The following TBC1D2B variants were observed in gnomAD, a reference collection of about 807,000 sequenced individuals.
TBC1D2B encodes the protein TBC1 domain family, member 2B.
In TBC1D2B, 64 loss-of-function variants were observed where a neutral mutation model predicts 100.8. That is an observed-to-expected ratio of 0.64 (90% CI 0.52 to 0.78). The LOEUF is 0.78. TBC1D2B is among the 30% of genes least tolerant of loss of function. The pLI, the probability that TBC1D2B is intolerant of heterozygous loss-of-function variation, is 0.00. For missense variants in TBC1D2B, 1,052 were observed against 1,218.4 expected (o/e 0.86, Z 2.03); for synonymous variants, 480 against 479.7 (o/e 1.00, Z -0.01).
At position 78,003,459 on chromosome 15, in the gene TBC1D2B, C is replaced by G; in HGVS notation, c.2420G>C (p.Ser807Thr). The change falls in exon 11 of 13, where the codon AGT (serine) becomes ACT (threonine). Residue 807 changes from serine to threonine, a missense_variant. By Grantham distance (58) the Ser-to-Thr change is moderately conservative. This residue lies in a region of TBC1D2B where 373 missense variants were observed against 464.9 expected (regional missense o/e 0.80). Coordinates refer to ENST00000300584, the MANE Select transcript of TBC1D2B (RefSeq NM_144572.2). ...GCCATGCAACCGAGGCAGCTTCTCACTCATAAGGTCTCTGAACACCCGCTG... is the reference window on the plus strand; with the variant it reads ...GCCATGCAACCGAGGCAGCTTCTCAGTCATAAGGTCTCTGAACACCCGCTG... ...VDQRVFRDLM[S>T]EKLPRLHGHF... The G allele has an allele frequency of 6.2e-7, 1 of 1,612,672 alleles. No homozygotes were observed. The highest frequency in any genetic ancestry group is 8.5e-7 in the Non-Finnish European group (1 of 1,178,804).
intron 1 of TBC1D2B, among the ~76,000 whole-genome samples, chr15:78,061,812 A>G (rs1259257656): frequency 6.6e-6 from 1 of 152,104 alleles, no homozygotes; most frequent in African/African-American, 2.4e-5. Flanking sequence ...TATAATTAAA[A>G]TTAAGTTCCT....
chr15:78,042,943 G>T lies in TBC1D2B; in HGVS notation c.683+1957C>A, dbSNP rs1434308249. 2.6e-5 allele frequency among the ~76,000 whole-genome samples: 4 copies of T among 152,158 alleles called. No homozygotes were observed. In the East Asian group the frequency reaches 7.7e-4, roughly 29 times the overall value. On this transcript the variant is annotated intron_variant, in intron 3 of 12. Coordinates refer to ENST00000300584, the MANE Select transcript of TBC1D2B (RefSeq NM_144572.2). ...AAGCCGATGAATGGGAGCAGAGCAG[G>T]ACCAAGAAGGTGGGACTGCAGCCAC... is the stretch of plus-strand genomic sequence containing the variant.
intron 1 of TBC1D2B, among the ~76,000 whole-genome samples, chr15:78,073,848 T>C (rs1409776143): frequency 6.6e-6 from 1 of 151,562 alleles, no homozygotes; most frequent in Non-Finnish European, 1.5e-5. Context: ...CACGCGCCTA[T>C]AGTCCCTCAG....
At chr15:78,067,972 T>C (rs1380865360) in intron 1 of TBC1D2B, among the ~76,000 whole-genome samples, 1 of 152,246 alleles carries the variant, frequency 6.6e-6, no homozygotes, top group Non-Finnish European at 1.5e-5. Context: ...TTCTGCAGTG[T>C]TCACCAAAAT....
chr15:78,017,964 G>GAA lies in TBC1D2B; in HGVS notation c.1471-9_1471-8dup. On this transcript the variant is annotated splice_region_variant and splice_polypyrimidine_tract_variant and intron_variant, in intron 6 of 12. Transcript: ENST00000300584. Reference sequence around the variant, plus strand: ...TGTACCCCTGTAGATTATCCTGTTAGAAAAAAAAAAAATCCCTGAATTCAC... The same window carrying GAA: ...TGTACCCCTGTAGATTATCCTGTTAGAAAAAAAAAAAAAATCCCTGAATTCAC... 140 of 1,180,704 alleles carry GAA rather than the reference G, an allele frequency of 1.2e-4. No homozygotes were observed. The highest frequency in any genetic ancestry group is 4.1e-4 in the South Asian group (25 of 61,430). The allele number at this position is 1,180,704 out of a possible 1,614,324, so 73.1% of individuals were successfully genotyped here. A position where few individuals can be genotyped will look rare whatever the true frequency, so the allele number is the denominator to read the frequency against.
intron 1 of TBC1D2B, among the ~76,000 whole-genome samples, chr15:78,059,465 G>C (rs188456884): frequency 6.6e-6 from 1 of 152,186 alleles, no homozygotes; most frequent in South Asian, 2.1e-4. Context: ...CTGCATGAAC[G>C]TCCTGGGTGA....
chr15:78,066,752 G>A (rs1156882551), intron 1 of TBC1D2B, among the ~76,000 whole-genome samples: 1 of 152,218 alleles, frequency 6.6e-6, no homozygotes, highest in Non-Finnish European at 1.5e-5. Context: ...ATGCCTTACA[G>A]AGCAGAATGA....
At chr15:78,062,143 G>A (rs547451288) in intron 1 of TBC1D2B, among the ~76,000 whole-genome samples, 2 of 152,320 alleles carry the variant, frequency 1.3e-5, no homozygotes, top group South Asian at 4.1e-4. Flanking sequence ...GCCGTCTCCA[G>A]GCAGCAGGGA....
chr15:78,038,785 G>A (rs2073008307), intron 3 of TBC1D2B, among the ~76,000 whole-genome samples: 1 of 152,166 alleles, frequency 6.6e-6, no homozygotes, highest in African/African-American at 2.4e-5. Context: ...GAGTCATGGT[G>A]AAAGGTCTCC....
In TBC1D2B at chr15:78,044,953, CCCT is replaced by C; in HGVS notation, c.627_629del (p.Gly210del). ...AGTAAAAATTAATGGAATTTGGATG[CCCT>C]GGGGCGGGCTGATTTGCAGCTTGTT... On this transcript the variant is annotated inframe_deletion, in exon 3 of 13. Transcript: ENST00000300584. 2 of 1,613,578 alleles carry C rather than the reference CCCT, an allele frequency of 1.2e-6. No homozygotes were observed. The highest frequency in any genetic ancestry group is 1.7e-6 in the Non-Finnish European group (2 of 1,179,670).
chr15:78,062,125 C>G (rs1255326095), intron 1 of TBC1D2B, among the ~76,000 whole-genome samples: 2 of 152,186 alleles, frequency 1.3e-5, no homozygotes, highest in African/African-American at 4.8e-5. Context: ...CCACGGGCAA[C>G]CCTGCAAGCC....
At position 77,996,966 on chromosome 15, in the gene TBC1D2B, T is replaced by A. The variant is rs2071777880; in HGVS notation, c.*1194A>T. On this transcript the variant is annotated 3_prime_UTR_variant, in exon 13 of 13. Coordinates refer to ENST00000300584, the MANE Select transcript of TBC1D2B (RefSeq NM_144572.2). Reference sequence around the variant, plus strand: ...GCCTTCAGAAAGGCAGTCCTCTGAGTTCCCAGAAACTGCTGTGTCAGAGGC... The same window carrying A: ...GCCTTCAGAAAGGCAGTCCTCTGAGATCCCAGAAACTGCTGTGTCAGAGGC... 1 of 152,226 alleles carries A rather than the reference T, an allele frequency of 6.6e-6. No individual in the cohort carries two copies. Among genetic ancestry groups the A allele is most frequent in the Admixed American group, 6.5e-5 (1 of 15,286 alleles). 9.4% of individuals were successfully genotyped at this position (152,226 alleles called of 1,614,324 possible).
chr15:78,004,342 A>G (rs1025332144), intron 10 of TBC1D2B, among the ~76,000 whole-genome samples: 1 of 152,198 alleles, frequency 6.6e-6, no homozygotes, highest in Non-Finnish European at 1.5e-5. Context: ...CTGTGGAACC[A>G]TGGACAGGTC....
chr15:78,021,656 C>T lies in TBC1D2B; in HGVS notation c.1470+2500G>A, dbSNP rs1015442351. On this transcript the variant is annotated intron_variant, in intron 6 of 12. Coordinates refer to ENST00000300584, the MANE Select transcript of TBC1D2B (RefSeq NM_144572.2). ...TCTCACCTGGAATCCACCTAACAAC[C>T]ACTTTGCCTCTTCATCGTCTGTCGC... is the stretch of plus-strand genomic sequence containing the variant. Among the ~76,000 whole-genome samples the T allele has an allele frequency of 2.0e-5, 3 of 152,252 alleles. No individual in the cohort carries two copies. The East Asian group carries it at 5.8e-4, about 29-fold the overall frequency.
chr15:78,009,598 T>G (rs1164012315), intron 9 of TBC1D2B, among the ~76,000 whole-genome samples: 1 of 152,102 alleles, frequency 6.6e-6, no homozygotes, highest in Non-Finnish European at 1.5e-5. Context: ...AAGCTACTTT[T>G]CCCCACTTTC....
chr15:78,059,578 A>T (rs550681292), intron 1 of TBC1D2B, among the ~76,000 whole-genome samples: 2 of 152,112 alleles, frequency 1.3e-5, no homozygotes, highest in South Asian at 4.1e-4. Flanking sequence ...GAATAAAAGC[A>T]AGCCATCCAC....
intron 10 of TBC1D2B, among the ~76,000 whole-genome samples, chr15:78,005,390 C>T (rs952222524): frequency 2.0e-5 from 3 of 152,196 alleles, no homozygotes; most frequent in Non-Finnish European, 4.4e-5. Flanking sequence ...GCAGTGGGCA[C>T]GGGGCTCGGG....
In TBC1D2B at chr15:78,012,883, T is replaced by C. The variant is rs1369728672; in HGVS notation, c.2210A>G (p.Asn737Ser). Residue 737 changes from asparagine to serine, a missense_variant, in exon 9 of 13, where the codon AAT (asparagine) becomes AGT (serine). Physicochemically the swap from Asn to Ser is conservative, Grantham distance 46. Coordinates refer to ENST00000300584, the MANE Select transcript of TBC1D2B (RefSeq NM_144572.2). ...CCGCCAGGAGAAGGCGAGGAGGACA[T>C]TGCGTAACTTCTGTATGCCTTCTGA... ...PTSEGIQKLR[N>S]VLLAFSWRNP... 7 of 1,522,078 alleles carry C rather than the reference T, an allele frequency of 4.6e-6. No individual in the cohort carries two copies. The highest frequency in any genetic ancestry group is 1.4e-5 in the African/African-American group (1 of 72,064). The allele number at this position is 1,522,078 out of a possible 1,614,324, so 94.3% of individuals were successfully genotyped here.
chr15:78,066,735 A>G (rs533923693), intron 1 of TBC1D2B, among the ~76,000 whole-genome samples: 2 of 152,376 alleles, frequency 1.3e-5, no homozygotes, highest in African/African-American at 4.8e-5. Context: ...TTCTAAGGCC[A>G]GAGGGTATGC....
Sources: gnomAD v4.1 joint callset for allele counts (sites outside exome capture counted in the v4.1 genomes callset) on GRCh38, gnomAD v4.1.1 for gene constraint, gnomAD v4.1.1 regional missense constraint, MANE v1.5 for transcripts, NCBI Gene and HGNC (gene_info 2026-07-23, HGNC 2026-07-21) for gene names.